ELAVL4: variants seen among roughly 807,000 people sequenced by gnomAD.
ELAVL4 encodes ELAV-like protein 4.
ELAVL4 carries 1 observed loss-of-function variant against 35.6 expected under a neutral mutation model. That is an observed-to-expected ratio of 0.03 (90% confidence interval 0.01 to 0.13). ELAVL4 has a LOEUF of 0.13. ELAVL4 is among the 10% of genes least tolerant of loss of function. ELAVL4 has a pLI of 1.00. For missense variants in ELAVL4, 267 were observed against 464.9 expected, an observed-to-expected ratio of 0.57 and a Z score of 3.91; for synonymous variants, 156 against 171.0, an observed-to-expected ratio of 0.91 and a Z score of 0.69.
chr1:50,116,089 T>C (rs1667894906), intron 1 of ELAVL4, among the ~76,000 whole-genome samples: 1 of 152,090 alleles, frequency 6.6e-6, no homozygotes, highest in African/African-American at 2.4e-5. Context: ...CTTTTGGACA[T>C]TTTAGTCTAT....
intron 1 of ELAVL4, chr1:50,048,298 C>G: frequency 7.7e-7 from 1 of 1,301,242 alleles, no homozygotes; most frequent in Non-Finnish European, 1.0e-6. Context: ...CTGGCCACCC[C>G]GACTCCCAGG....
rs1438804136 is a variant in ELAVL4 at position 50,054,933 on chromosome 1, C to A, written c.18+6751C>A. The stretch of plus-strand genomic sequence containing the variant: ...ATTTACTTCTCCAGCTCCCTCCCTT[C>A]CAGGTTACTGGCTAGCAGTGGCTAG... On this transcript the variant is annotated intron_variant, in intron 1 of 6. Coordinates refer to the ELAVL4 transcript ENST00000448907. 2.0e-5 allele frequency among the ~76,000 whole-genome samples: 3 copies of A among 152,220 alleles called. No individual in the cohort carries two copies. In the East Asian group the frequency reaches 5.8e-4, roughly 29 times the overall value.
intron 1 of ELAVL4, among the ~76,000 whole-genome samples, chr1:50,126,759 A>C (rs994941361): frequency 1.3e-5 from 2 of 152,282 alleles, no homozygotes; most frequent in South Asian, 4.1e-4. Flanking sequence ...CTTTGTTTTC[A>C]TTAGCAATGT....
intron 3 of ELAVL4, among the ~76,000 whole-genome samples, chr1:50,186,945 G>A (rs1681920883): frequency 1.3e-5 from 2 of 152,210 alleles, no homozygotes; most frequent in African/African-American, 4.8e-5. Context: ...CAGGCACAGA[G>A]GTAAACTGAT....
rs1419535773 is a variant in ELAVL4 at position 50,203,105 on chromosome 1, T to G, written c.*1927T>G. 1 of 152,236 alleles carries G rather than the reference T, an allele frequency of 6.6e-6. No homozygotes were observed. The highest frequency in any genetic ancestry group is 1.9e-4 in the East Asian group (1 of 5,204). The allele number at this position is 152,236 out of a possible 1,614,324, so 9.4% of individuals were successfully genotyped here. On this transcript the variant is annotated 3_prime_UTR_variant, in exon 7 of 7. Transcript: ENST00000371824. ...AGAAACAGTTACTCGCTATGCATAA[T>G]CTAGTTGATAGTTAAATTTGCTATT...
intron 1 of ELAVL4, among the ~76,000 whole-genome samples, chr1:50,053,226 T>C (rs947275222): frequency 6.6e-6 from 1 of 152,250 alleles, no homozygotes; most frequent in Non-Finnish European, 1.5e-5. Flanking sequence ...GTCTATTATA[T>C]TTAAAATATA....
chr1:50,056,856 C>T (rs897864846), intron 1 of ELAVL4, among the ~76,000 whole-genome samples: 17 of 150,976 alleles, frequency 1.1e-4, no homozygotes, highest in Admixed American at 9.9e-4. Flanking sequence ...GGCGTGAACC[C>T]GGGAGGCAGA....
At chr1:50,110,952 A>G (rs1489990877) in intron 1 of ELAVL4, among the ~76,000 whole-genome samples, 1 of 151,904 alleles carries the variant, frequency 6.6e-6, no homozygotes, top group South Asian at 2.1e-4. Context: ...ATGAGAACAC[A>G]CTGCAAACAG....
At chr1:50,187,173 G>A (rs1464625369) in intron 3 of ELAVL4, among the ~76,000 whole-genome samples, 1 of 152,130 alleles carries the variant, frequency 6.6e-6, no homozygotes, top group Non-Finnish European at 1.5e-5. Context: ...ACAACAGATT[G>A]GGGAAAATCT....
upstream of ELAVL4, among the ~76,000 whole-genome samples, chr1:50,104,502 C>T (rs1380861808): frequency 1.3e-5 from 2 of 152,162 alleles, no homozygotes; most frequent in Admixed American, 1.3e-4. Flanking sequence ...TTAAGTGATG[C>T]CGTCTTGACT....
chr1:50,105,410 G>A (rs1167067754), upstream of ELAVL4, among the ~76,000 whole-genome samples: 1 of 152,178 alleles, frequency 6.6e-6, no homozygotes, highest in Non-Finnish European at 1.5e-5. Context: ...ATTTGTGGCA[G>A]TGTTTTGTTT....
At chr1:50,058,638 G>A (rs1339168749) in intron 1 of ELAVL4, among the ~76,000 whole-genome samples, 1 of 149,314 alleles carries the variant, frequency 6.7e-6, no homozygotes, top group Non-Finnish European at 1.5e-5. Flanking sequence ...TTTCCTGACA[G>A]TGTCTTACTC....
chr1:50,057,812 C>A (rs975273910), intron 1 of ELAVL4, among the ~76,000 whole-genome samples: 1 of 152,288 alleles, frequency 6.6e-6, no homozygotes, highest in African/African-American at 2.4e-5. Context: ...TTAAGCAACA[C>A]GTGACTGTAC....
intron 3 of ELAVL4, 142 bp from the exon 4 acceptor site, chr1:50,193,623 A>G: frequency 3.0e-6 from 3 of 1,013,462 alleles, no homozygotes; most frequent in Non-Finnish European, 2.8e-6. Context: ...AAGGGTAGCT[A>G]AAAATCTGAA....
upstream of ELAVL4, among the ~76,000 whole-genome samples, chr1:50,106,988 C>T (rs1230160854): frequency 1.3e-5 from 2 of 152,148 alleles, no homozygotes; most frequent in Non-Finnish European, 1.5e-5. Flanking sequence ...CCAGAGAAAT[C>T]TAAGTAAATA....
upstream of ELAVL4, chr1:50,106,170 C>G (rs1359534978): frequency 7.2e-6 from 4 of 558,204 alleles, no homozygotes; most frequent in Admixed American, 1.3e-4. Flanking sequence ...GCCCATTGTG[C>G]CACGTAAGGC....
chr1:50,123,692 T>C (rs1378245363), intron 1 of ELAVL4, among the ~76,000 whole-genome samples: 1 of 152,062 alleles, frequency 6.6e-6, no homozygotes, highest in Non-Finnish European at 1.5e-5. Context: ...CCTCCCATCT[T>C]GGGTCTCTTT....
intron 1 of ELAVL4, among the ~76,000 whole-genome samples, chr1:50,085,223 C>T (rs2148500002): frequency 1.3e-5 from 2 of 152,340 alleles, no homozygotes; most frequent in Middle Eastern, 6.8e-3. Context: ...ACTGTAGGTG[C>T]TCAGTAAATT....
chr1:50,175,593 C>G (rs569760529), intron 2 of ELAVL4: 1 of 152,306 alleles, frequency 6.6e-6, no homozygotes, highest in Admixed American at 6.5e-5. Flanking sequence ...TCTTCCAAAA[C>G]AAAGGAATAT....
Sources: allele counts gnomAD v4.1 joint callset (sites outside exome capture counted in the v4.1 genomes callset), GRCh38; gene constraint gnomAD v4.1.1; transcripts MANE v1.5; gene names NCBI Gene and HGNC (gene_info 2026-07-23, HGNC 2026-07-21).